BAZ2A: variants seen among roughly 807,000 people sequenced by gnomAD.
BAZ2A encodes the protein bromodomain adjacent to zinc finger domain protein 2A.
In BAZ2A, 34 loss-of-function variants were observed where a neutral mutation model predicts 199.9. That is an observed-to-expected ratio of 0.17 (90% CI 0.13 to 0.23). The LOEUF is 0.23. Among genes scored for constraint, BAZ2A ranks in the 10% least tolerant of loss-of-function variants. The pLI is 1.00. For synonymous variants in BAZ2A, 857 were observed against 883.9 expected (o/e 0.97, Z 0.54); for missense variants, 2,002 against 2,391.1 (o/e 0.84, Z 3.39).
chr12:56,596,660 T>C lies in BAZ2A; in HGVS notation c.*1958A>G, dbSNP rs1885867290. On this transcript the variant is annotated 3_prime_UTR_variant, in exon 29 of 29. Coordinates refer to ENST00000549884, the MANE Select transcript of BAZ2A (RefSeq NM_001300905.2). ...AGCAGAGCCCCCAACTCTAACAGTT[T>C]CAACTGTCTAACACAAAGTTTGTTA... 6.6e-6 allele frequency: 1 copy of C among 152,630 alleles called. No homozygotes were observed. The highest frequency in any genetic ancestry group is 2.4e-5 in the African/African-American group (1 of 41,436). The allele number at this position is 152,630 out of a possible 1,614,324, so 9.5% of individuals were successfully genotyped here. A position where few individuals can be genotyped will look rare whatever the true frequency, so the allele number is the denominator to read the frequency against.
intron 10 of BAZ2A, 123 bp from the exon 11 acceptor site, chr12:56,606,856 CTTTT>C: frequency 1.7e-6 from 1 of 603,986 alleles, no homozygotes; most frequent in Non-Finnish European, 2.9e-6. Flanking sequence ...TCTAGAGTAG[CTTTT>C]TTTTTTTTTA....
intron 1 of BAZ2A, among the ~76,000 whole-genome samples, chr12:56,620,902 G>A (rs1055867649): frequency 6.6e-6 from 1 of 152,104 alleles, no homozygotes; most frequent in African/African-American, 2.4e-5. Flanking sequence ...CTCAGCAGTA[G>A]GGGGTCTGAA....
chr12:56,601,153 G>A (rs781250745), intron 21 of BAZ2A, 27 bp downstream of exon 21: 31 of 1,613,828 alleles, frequency 1.9e-5, no homozygotes, highest in African/African-American at 4.0e-5. Context: ...TGCCCACACC[G>A]GATGCCCTCA....
chr12:56,609,691 C>A (rs769481428), intron 10 of BAZ2A, 45 bp downstream of exon 10: 1 of 1,564,436 alleles, frequency 6.4e-7, no homozygotes, highest in South Asian at 1.1e-5. Context: ...ATTTTAGATA[C>A]CTCATGGAGG....
Position 56,599,235 on chromosome 12 carries a change from G to T in BAZ2A, c.5296C>A (p.Arg1766=), listed in dbSNP as rs765991560. 1 of 1,613,090 alleles carries T rather than the reference G, an allele frequency of 6.2e-7. No individual in the cohort carries two copies. The highest frequency in any genetic ancestry group is 8.5e-7 in the Non-Finnish European group (1 of 1,179,640). Residue 1766 remains arginine, a synonymous_variant, in exon 27 of 29, where the codon CGA becomes AGA. Coordinates refer to ENST00000549884, the MANE Select transcript of BAZ2A (RefSeq NM_001300905.2). Reference sequence around the variant, plus strand: ...CGAGGCCCTGCTGCTGGGCTTTCTCGGCCCCTCAACAGTACCCGGCGTCGG... The same window carrying T: ...CGAGGCCCTGCTGCTGGGCTTTCTCTGCCCCTCAACAGTACCCGGCGTCGG... ...GRRRRVLLRG[R]ESPAAGPRYS... is the part of the protein sequence containing the mutation.
In BAZ2A at chr12:56,630,145, C is replaced by G. The variant is rs1951258142; in HGVS notation, c.-23G>C. ...CAAACCTGAGGCAGCGGCGTCCAGC[C>G]GGGCTCGGGGCTCGTCTCTCCCCGG... On this transcript the variant is annotated 5_prime_UTR_variant, in exon 1 of 29. Transcript: ENST00000549884. The G allele has an allele frequency of 2.0e-6, 2 of 985,454 alleles. No homozygotes were observed. The highest frequency in any genetic ancestry group is 2.4e-6 in the Non-Finnish European group (2 of 830,016). 61.0% of individuals were successfully genotyped at this position (985,454 alleles called of 1,614,324 possible). A position where few individuals can be genotyped will look rare whatever the true frequency, so the allele number is the denominator to read the frequency against.
chr12:56,625,676 G>C (rs1171942177), intron 1 of BAZ2A, among the ~76,000 whole-genome samples: 2 of 151,468 alleles, frequency 1.3e-5, no homozygotes, highest in African/African-American at 4.9e-5. Flanking sequence ...AGGAGATCGA[G>C]ACCATCCTGG....
intron 5 of BAZ2A, among the ~76,000 whole-genome samples, chr12:56,612,669 T>A (rs1950597258): frequency 6.6e-6 from 1 of 152,144 alleles, no homozygotes; most frequent in African/African-American, 2.4e-5. Context: ...GTTGCCCAGG[T>A]TGGAGTGCAA....
upstream of BAZ2A, chr12:56,636,395 G>A: frequency 7.7e-7 from 1 of 1,302,862 alleles, no homozygotes; most frequent in Non-Finnish European, 1.0e-6. Context: ...GGGGAGGGAG[G>A]AGGGAAGGGC....
intron 1 of BAZ2A, among the ~76,000 whole-genome samples, chr12:56,620,842 T>C (rs548518239): frequency 6.6e-6 from 1 of 152,290 alleles, no homozygotes; most frequent in South Asian, 2.1e-4. Flanking sequence ...ATTACAGCCA[T>C]GAGCCACTGC....
chr12:56,598,843 G>A lies in BAZ2A; in HGVS notation c.5546+25C>T, dbSNP rs201507665. ...AGGAGTTGCAGCAGTAGCAAAGACCGGGCGGTTCACCCACATCTACTTACC... is the reference window on the plus strand; with the variant it reads ...AGGAGTTGCAGCAGTAGCAAAGACCAGGCGGTTCACCCACATCTACTTACC... On this transcript the variant is annotated intron_variant, in intron 28 of 28. Transcript: ENST00000549884. The A allele has an allele frequency of 3.9e-4, 621 of 1,607,542 alleles. 3 individuals are homozygous for A. Among genetic ancestry groups the A allele is most frequent in the South Asian group, 3.2e-4 (29 of 90,118 alleles).
In BAZ2A at chr12:56,615,051, G is replaced by C; in HGVS notation, c.693C>G (p.Gly231=). ...CTTCCAGCTCCAAGCTGCCTACCAA[G>C]CCAGTGCCATTCTCTGCCACAACTG... ...MTSVVAENGT[G]LVGSLELEEE... is the part of the protein sequence containing the mutation. The change falls in exon 3 of 29, where the codon GGC becomes GGG. Residue 231 remains glycine (G), a synonymous_variant. Coordinates refer to ENST00000549884, the MANE Select transcript of BAZ2A (RefSeq NM_001300905.2). The C allele has an allele frequency of 6.2e-7, 1 of 1,613,508 alleles. No homozygotes were observed. The highest frequency in any genetic ancestry group is 8.5e-7 in the Non-Finnish European group (1 of 1,179,794).
intron 21 of BAZ2A, 33 bp downstream of exon 21, chr12:56,601,147 C>G (rs200748160): frequency 1.2e-5 from 20 of 1,613,860 alleles, no homozygotes; most frequent in African/African-American, 4.0e-5. Context: ...AAGCACTGCC[C>G]ACACCGGATG....
Position 56,599,760 on chromosome 12 carries a change from C to T in BAZ2A, c.5114G>A (p.Arg1705His), listed in dbSNP as rs377414105. ...CDRGCHIYCHRPKMEAVPEGD... is the reference protein window; with the variant it reads ...CDRGCHIYCHHPKMEAVPEGD... ...TTCTGGGACAGCCTCCATCTTGGGA[C>T]GATGGCAGTAAATGTGGCAGCCACG... Residue 1705 changes from arginine to histidine, a missense_variant, in exon 26 of 29, where the codon CGT (arginine) becomes CAT (histidine). Transcript: ENST00000549884. 6.8e-6 allele frequency: 11 copies of T among 1,613,948 alleles called. No individual in the cohort carries two copies. The highest frequency in any genetic ancestry group is 4.4e-5 in the South Asian group (4 of 91,078).
chr12:56,604,182 CCT>C (rs765039594), intron 16 of BAZ2A, 33 bp downstream of exon 16: 3 of 1,569,670 alleles, frequency 1.9e-6, no homozygotes, highest in South Asian at 2.3e-5. Flanking sequence ...CCACTTCTCT[CCT>C]CTCTGAGGCT....
At chr12:56,634,956 C>T (rs1592639183), upstream of BAZ2A, 1 of 985,080 alleles carries the variant, frequency 1.0e-6, no homozygotes, top group African/African-American at 1.7e-5. Context: ...TGGAGCAGGG[C>T]CGGGCCGCAG....
At position 56,601,111 on chromosome 12, in the gene BAZ2A, G is replaced by A. The variant is rs1030474582; in HGVS notation, c.4295-13C>T. On this transcript the variant is annotated splice_polypyrimidine_tract_variant and intron_variant, in intron 21 of 28. Coordinates refer to ENST00000549884, the MANE Select transcript of BAZ2A (RefSeq NM_001300905.2). ...CCTGAGCACATCTCTGTGAGCAGATGAGATATATGTGGGGCGCCAGCTGTG... is the reference window on the plus strand; with the variant it reads ...CCTGAGCACATCTCTGTGAGCAGATAAGATATATGTGGGGCGCCAGCTGTG... 10 of 1,613,632 alleles carry A rather than the reference G, an allele frequency of 6.2e-6. No individual in the cohort carries two copies. The highest frequency in any genetic ancestry group is 2.2e-5 in the East Asian group (1 of 44,876).
At chr12:56,631,905 A>AC (rs962023274), upstream of BAZ2A, among the ~76,000 whole-genome samples, 18 of 151,880 alleles carry the variant, frequency 1.2e-4, no homozygotes, top group African/African-American at 2.7e-4. Flanking sequence ...CCACCCCTCC[A>AC]CCCCCCCACT....
At chr12:56,633,911 T>C (rs527449698), upstream of BAZ2A, among the ~76,000 whole-genome samples, 28 of 152,144 alleles carry the variant, frequency 1.8e-4, no homozygotes, top group Non-Finnish European at 3.2e-4. Context: ...TTTTGTATAT[T>C]TTGTAGAGAC....
Sources: gnomAD v4.1 joint callset for allele counts (sites outside exome capture counted in the v4.1 genomes callset) on GRCh38, gnomAD v4.1.1 for gene constraint, MANE v1.5 for transcripts, NCBI Gene and HGNC (gene_info 2026-07-23, HGNC 2026-07-21) for gene names.